The following S100A5 variants were observed in gnomAD, a reference collection of about 807,000 sequenced individuals.
S100A5 encodes protein S100-A5.
Under a neutral mutation model 6.7 loss-of-function variants are expected in S100A5, and 5 were observed. That is an observed-to-expected ratio of 0.75 (90% CI 0.39 to 1.57). The LOEUF (loss-of-function observed/expected upper bound fraction) is 1.57. Ranked by LOEUF, S100A5 falls within the 40% of genes most tolerant of loss-of-function variation. The pLI, the probability that S100A5 is intolerant of heterozygous loss-of-function variation, is 0.03. For synonymous variants in S100A5, 49 were observed against 44.9 expected, an observed-to-expected ratio of 1.09 and a Z score of -0.37; for missense variants, 129 against 110.8, an observed-to-expected ratio of 1.16 and a Z score of -0.74.
chr1:153,537,400 G>C lies in S100A5; in HGVS notation c.175C>G (p.Leu59Val). The change falls in exon 3 of 3, where the codon CTG becomes GTG. Residue 59 changes from leucine to valine, a missense_variant. Transcript: ENST00000368717. The part of the protein sequence containing the change: ...ESSIDDLMKS[L>V]DKNSDQEIDF... The stretch of plus-strand genomic sequence containing the variant: ...ATCTCCTGGTCGCTGTTCTTGTCCA[G>C]GCTCTTCATCAAGTCATCGATGCTG... 1 of 1,614,154 alleles carries C rather than the reference G, an allele frequency of 6.2e-7. No individual in the cohort carries two copies. Among genetic ancestry groups the C allele is most frequent in the Non-Finnish European group, 8.5e-7 (1 of 1,180,020 alleles).
Position 153,537,235 on chromosome 1 carries a change from TGAGAGGAGCAGCC to T in S100A5, c.*48_*60del. On this transcript the variant is annotated 3_prime_UTR_variant, in exon 3 of 3. Coordinates refer to ENST00000368717, the MANE Select transcript of S100A5 (RefSeq NM_001394232.1). The stretch of plus-strand genomic sequence containing the variant: ...AGGGCAGGGGGCCAAAGAGGGTCTG[TGAGAGGAGCAGCC>T]GAGGTCAGCAGCAAAGGGTGGAGGG... The T allele has an allele frequency of 6.3e-7, 1 of 1,580,142 alleles. No individual in the cohort carries two copies. The highest frequency in any genetic ancestry group is 8.7e-7 in the Non-Finnish European group (1 of 1,155,266).
At chr1:153,542,042 G>T (rs184837021), upstream of S100A5, 271 of 333,172 alleles carry the variant, frequency 8.1e-4, 4 homozygotes, top group African/African-American at 5.8e-3. Flanking sequence ...TGAGAATCAG[G>T]AATAGGGAAG....
intron 2 of S100A5, among the ~76,000 whole-genome samples, chr1:153,537,823 G>A (rs1406749976): frequency 6.6e-6 from 1 of 152,142 alleles, no homozygotes; most frequent in East Asian, 1.9e-4. Context: ...CGAGGCGGGT[G>A]GATCACCTGA....
chr1:153,539,073 T>A (rs1280925685), intron 2 of S100A5, among the ~76,000 whole-genome samples: 1 of 152,058 alleles, frequency 6.6e-6, no homozygotes, highest in East Asian at 1.9e-4. Context: ...AAGGCTACAG[T>A]GAGCCATGAT....
At position 153,540,120 on chromosome 1, in the gene S100A5, AC is replaced by A; in HGVS notation, c.71del (p.Gly24ValfsTer4). On this transcript the variant is annotated frameshift_variant, in exon 2 of 3. Coordinates refer to ENST00000368717, the MANE Select transcript of S100A5 (RefSeq NM_001394232.1). LOFTEE classifies it high-confidence loss of function. ...TTFHKYSGRE[G>X]SKLTLSRKEL... The stretch of plus-strand genomic sequence containing the variant: ...CCTTCCTACTCAGGGTCAGTTTGCT[AC>A]CCTCTCTCCCCGAATATTTGTGAAA... 6.2e-7 allele frequency: 1 copy of A among 1,613,892 alleles called. No homozygotes were observed.
upstream of S100A5, among the ~76,000 whole-genome samples, chr1:153,542,516 G>A (rs1665421692): frequency 6.6e-6 from 1 of 152,156 alleles, no homozygotes; most frequent in Non-Finnish European, 1.5e-5. Context: ...AAACCCTGCG[G>A]GAACATCTGA....
At chr1:153,541,765 A>C (rs7535476), upstream of S100A5, 82,924 of 1,096,956 alleles carry the variant, frequency 0.076, 7,494 homozygotes, top group African/African-American at 0.44. Context: ...GAAGTGTGGG[A>C]CAAACACAGG....
Position 153,540,201 on chromosome 1 carries a change from C to A in S100A5, c.-10G>T, listed in dbSNP as rs191063318. The A allele has an allele frequency of 6.2e-7, 1 of 1,614,012 alleles. No individual in the cohort carries two copies. Among genetic ancestry groups the A allele is most frequent in the East Asian group, 2.2e-5 (1 of 44,882 alleles). Reference sequence around the variant, plus strand: ...CCAGAGGAGTCTCCATCACAGTGTGCAGCTCTGTAGAGGGAGAGGGGAAGA... The same window carrying A: ...CCAGAGGAGTCTCCATCACAGTGTGAAGCTCTGTAGAGGGAGAGGGGAAGA... On this transcript the variant is annotated 5_prime_UTR_variant, in exon 2 of 3. Transcript: ENST00000368717.
upstream of S100A5, chr1:153,541,891 T>C (rs752207292): frequency 5.0e-6 from 5 of 1,005,042 alleles, no homozygotes; most frequent in Non-Finnish European, 5.9e-6. Flanking sequence ...TGGAGGAAGA[T>C]ATTTTCTGCG....
At chr1:153,541,552 G>C (rs1315876160), upstream of S100A5, 1 of 1,273,812 alleles carries the variant, frequency 7.9e-7, no homozygotes, top group Non-Finnish European at 1.0e-6. Context: ...TCCCGGGATG[G>C]AGCTGGGGAG....
intron 2 of S100A5, 52 bp downstream of exon 2, chr1:153,540,002 C>A (rs1359644491): frequency 6.2e-7 from 1 of 1,602,774 alleles, no homozygotes; most frequent in East Asian, 2.2e-5. Context: ...TATGTGTCCC[C>A]CAGAGGGAGT....
chr1:153,537,818 C>T lies in S100A5; in HGVS notation c.139-382G>A, dbSNP rs370290255. Among the ~76,000 whole-genome samples, 9 of 152,230 alleles carry T rather than the reference C, an allele frequency of 5.9e-5. No homozygotes were observed. The East Asian group carries it at 1.7e-3, about 29-fold the overall frequency. On this transcript the variant is annotated intron_variant, in intron 2 of 2. Coordinates refer to ENST00000368717, the MANE Select transcript of S100A5 (RefSeq NM_001394232.1). ...ATCCTAGCACTTTGGGAGGCCGAGG[C>T]GGGTGGATCACCTGACATCAGGAGT... is the stretch of plus-strand genomic sequence containing the variant.
chr1:153,539,304 G>A (rs1300869892), intron 2 of S100A5, among the ~76,000 whole-genome samples: 3 of 150,498 alleles, frequency 2.0e-5, no homozygotes, highest in Non-Finnish European at 1.5e-5. Context: ...GTGCGTGCCT[G>A]TAATCCCAGC....
At chr1:153,540,005 G>A (rs1169952823) in intron 2 of S100A5, 49 bp downstream of exon 2, 1 of 1,604,594 alleles carries the variant, frequency 6.2e-7, no homozygotes, top group African/African-American at 1.3e-5. Context: ...GTGTCCCCCA[G>A]AGGGAGTACT....
Position 153,537,299 on chromosome 1 carries a change from C to T in S100A5, c.276G>A (p.Lys92=). Residue 92 remains lysine (K), a synonymous_variant, in exon 3 of 3, where the codon AAG becomes AAA. Coordinates refer to ENST00000368717, the MANE Select transcript of S100A5 (RefSeq NM_001394232.1). ...AYNDFFLEDN[K] is the part of the protein sequence containing the mutation. Reference sequence around the variant, plus strand: ...TGAGGGTGGAGGGCAGCCCTGGTCACTTGTTGTCCTCTAGAAAGAAGTCGT... The same window carrying T: ...TGAGGGTGGAGGGCAGCCCTGGTCATTTGTTGTCCTCTAGAAAGAAGTCGT... 2 of 1,613,502 alleles carry T rather than the reference C, an allele frequency of 1.2e-6. No homozygotes were observed. The highest frequency in any genetic ancestry group is 1.1e-5 in the South Asian group (1 of 91,056).
At chr1:153,541,503 A>G (rs7535274), upstream of S100A5, 4,380 of 1,358,468 alleles carry the variant, frequency 3.2e-3, 130 homozygotes, top group African/African-American at 0.058. Context: ...AGGGCCCATG[A>G]GAAGTTGTTG....
intron 2 of S100A5, among the ~76,000 whole-genome samples, chr1:153,538,013 T>C (rs1287154563): frequency 1.3e-5 from 2 of 150,766 alleles, no homozygotes; most frequent in Non-Finnish European, 2.9e-5. Context: ...GCCATTGCAC[T>C]CCAGCCTGGG....
At chr1:153,543,224 T>G (rs1371143851), upstream of S100A5, 5 of 985,326 alleles carry the variant, frequency 5.1e-6, no homozygotes, top group Non-Finnish European at 6.0e-6. Context: ...GCCTTATTCT[T>G]TTCCCTCCGA....
chr1:153,541,266 G>T, upstream of S100A5: 1 of 725,334 alleles, frequency 1.4e-6, no homozygotes, highest in Non-Finnish European at 2.3e-6. Flanking sequence ...CTCCCTGAGC[G>T]CATGCCCGCT....
Sources: gnomAD v4.1 joint callset for allele counts (sites outside exome capture counted in the v4.1 genomes callset) on GRCh38, gnomAD v4.1.1 for gene constraint, MANE v1.5 for transcripts, NCBI Gene and HGNC (gene_info 2026-07-23, HGNC 2026-07-21) for gene names.